Variants in WDR70 observed in about 807,000 individuals in gnomAD.
The protein encoded by WDR70 is WD repeat-containing protein 70.
WDR70 carries 53 observed loss-of-function variants against 88.6 expected under a neutral mutation model. The ratio of observed to expected loss-of-function variants is 0.60; its 90% CI spans 0.48 to 0.75. The LOEUF (loss-of-function observed/expected upper bound fraction) is 0.75, where lower values mean the gene tolerates loss of function less well. Ranked by LOEUF, WDR70 falls within the 30% of genes least tolerant of loss-of-function variation. WDR70 has a pLI of 0.00. For missense variants in WDR70, 610 were observed against 823.2 expected (o/e 0.74, Z 3.17); for synonymous variants, 280 against 270.0 (o/e 1.04, Z -0.36).
chr5:37,472,422 A>G (rs1420757508), intron 7 of WDR70, among the ~76,000 whole-genome samples: 2 of 152,026 alleles, frequency 1.3e-5, no homozygotes, highest in Non-Finnish European at 2.9e-5. Context: ...TAAAATGTTT[A>G]TGACATTTAT....
At position 37,392,138 on chromosome 5, in the gene WDR70, A is replaced by G; in HGVS notation, c.296+18A>G. ...TCTTCCAGGTGCCTGATTTTCAGAA[A>G]GACTTCTATTAAACTATCAGTTTCT... On this transcript the variant is annotated intron_variant, in intron 4 of 17. Coordinates refer to ENST00000265107, the MANE Select transcript of WDR70 (RefSeq NM_018034.4). 3.1e-6 allele frequency: 5 copies of G among 1,601,102 alleles called. No individual in the cohort carries two copies. The South Asian group carries it at 3.4e-5, about 11-fold the overall frequency.
At chr5:37,500,493 T>C (rs1740374232) in intron 8 of WDR70, among the ~76,000 whole-genome samples, 1 of 152,152 alleles carries the variant, frequency 6.6e-6, no homozygotes, top group Admixed American at 6.5e-5. Context: ...ATTTACTTCT[T>C]TGAGAAATCT....
chr5:37,623,938 G>A (rs535369972), intron 10 of WDR70, among the ~76,000 whole-genome samples: 6 of 152,184 alleles, frequency 3.9e-5, no homozygotes, highest in African/African-American at 1.4e-4. Context: ...GTGACGAATT[G>A]ATCCTTTCCT....
At chr5:37,500,322 T>C (rs1295098763) in intron 8 of WDR70, among the ~76,000 whole-genome samples, 1 of 152,246 alleles carries the variant, frequency 6.6e-6, no homozygotes, top group East Asian at 1.9e-4. Flanking sequence ...CCATATATTC[T>C]TTATTTACTC....
At chr5:37,479,582 G>A in intron 7 of WDR70, 1 of 290,562 alleles carries the variant, frequency 3.4e-6, no homozygotes, top group Non-Finnish European at 6.5e-6. Context: ...TGTTGGTCCG[G>A]CTGATTTTGA....
intron 17 of WDR70, among the ~76,000 whole-genome samples, chr5:37,730,100 A>G (rs985441088): frequency 6.6e-6 from 1 of 152,178 alleles, no homozygotes; most frequent in Non-Finnish European, 1.5e-5. Flanking sequence ...ATTACAACAT[A>G]TGAACACATG....
chr5:37,683,511 C>T (rs964887706), intron 10 of WDR70, among the ~76,000 whole-genome samples: 6 of 152,106 alleles, frequency 3.9e-5, no homozygotes, highest in Admixed American at 3.9e-4. Flanking sequence ...AGTACTTCTT[C>T]AGGACTGCTT....
chr5:37,446,130 T>G (rs1023664429), intron 7 of WDR70, among the ~76,000 whole-genome samples: 6 of 152,170 alleles, frequency 3.9e-5, no homozygotes, highest in Admixed American at 3.3e-4. Flanking sequence ...TCACAAGCAT[T>G]CTTATACACC....
chr5:37,551,488 G>C (rs1338069537), intron 9 of WDR70, among the ~76,000 whole-genome samples: 1 of 151,298 alleles, frequency 6.6e-6, no homozygotes, highest in Non-Finnish European at 1.5e-5. Flanking sequence ...CTGGCACTTT[G>C]GGAGGCCGAG....
At chr5:37,627,929 G>A (rs1161213200) in intron 10 of WDR70, among the ~76,000 whole-genome samples, 2 of 152,086 alleles carry the variant, frequency 1.3e-5, no homozygotes, top group Non-Finnish European at 2.9e-5. Context: ...TAGGTCTGTG[G>A]TACAGTTTGT....
Position 37,752,713 on chromosome 5 carries a change from G to T in WDR70, c.*140G>T. ...GCATTATTGAACTGGTCAAAAGTTT[G>T]GTGGCTAGGCTTCACTAAAATTGTG... is the stretch of plus-strand genomic sequence containing the variant. On this transcript the variant is annotated 3_prime_UTR_variant, in exon 18 of 18. Transcript: ENST00000265107. 1 of 636,276 alleles carries T rather than the reference G, an allele frequency of 1.6e-6. No homozygotes were observed. The highest frequency in any genetic ancestry group is 2.7e-6 in the Non-Finnish European group (1 of 374,092). 39.4% of individuals were successfully genotyped at this position (636,276 alleles called of 1,614,324 possible). A position where few individuals can be genotyped will look rare whatever the true frequency, so the allele number is the denominator to read the frequency against.
rs865830763 is a variant in WDR70 at position 37,516,526 on chromosome 5, A to G, written c.853A>G (p.Met285Val). The change falls in exon 9 of 18, where the codon ATG becomes GTG. Residue 285 changes from methionine (M) to valine (V), a missense_variant. By Grantham distance (21) the Met-to-Val change is conservative (BLOSUM62 1). This residue lies in a region of WDR70 where 83 missense variants were observed against 155.3 expected (regional missense o/e 0.53). Coordinates refer to ENST00000265107, the MANE Select transcript of WDR70 (RefSeq NM_018034.4). ...CTTTATTTTTAAGGGTCATACAGCAATGCTTCATACTGGCTCATGGCATCC... is the reference window on the plus strand; with the variant it reads ...CTTTATTTTTAAGGGTCATACAGCAGTGCTTCATACTGGCTCATGGCATCC... ...DMANTKGHTA[M>V]LHTGSWHPKI... 2 of 1,599,374 alleles carry G rather than the reference A, an allele frequency of 1.3e-6. No homozygotes were observed. The highest frequency in any genetic ancestry group is 1.7e-4 in the Middle Eastern group (1 of 5,966).
intron 10 of WDR70, among the ~76,000 whole-genome samples, chr5:37,607,250 T>A (rs888680440): frequency 6.6e-6 from 1 of 151,922 alleles, no homozygotes; most frequent in Non-Finnish European, 1.5e-5. Context: ...CCTGGATTTT[T>A]AAAAAATTTC....
chr5:37,568,516 G>A (rs985270439), intron 9 of WDR70, among the ~76,000 whole-genome samples: 1 of 152,072 alleles, frequency 6.6e-6, no homozygotes. Context: ...AATCAGTGGG[G>A]CAAGGCACCA....
At chr5:37,459,425 A>C (rs976427310) in intron 7 of WDR70, among the ~76,000 whole-genome samples, 1 of 149,978 alleles carries the variant, frequency 6.7e-6, no homozygotes, top group Non-Finnish European at 1.5e-5. Context: ...CCTGAGAAAA[A>C]CAAGCAATGG....
intron 10 of WDR70, among the ~76,000 whole-genome samples, chr5:37,689,460 G>A (rs540604004): frequency 1.3e-4 from 20 of 152,258 alleles, no homozygotes; most frequent in African/African-American, 4.8e-4. Flanking sequence ...TCATATAGGT[G>A]GGTGACCCTC....
chr5:37,633,492 C>G (rs10069590), intron 10 of WDR70, among the ~76,000 whole-genome samples: 2,903 of 151,194 alleles, frequency 0.019, 86 homozygotes, highest in African/African-American at 0.066. Context: ...TTGACATTCA[C>G]TAGATCTAGT....
chr5:37,526,820 A>G (rs535299685), intron 9 of WDR70, among the ~76,000 whole-genome samples: 1 of 152,346 alleles, frequency 6.6e-6, no homozygotes, highest in Admixed American at 6.5e-5. Flanking sequence ...AAAAATCACA[A>G]GCATTCTTAT....
At chr5:37,623,092 C>T (rs180762704) in intron 10 of WDR70, among the ~76,000 whole-genome samples, 124 of 152,154 alleles carry the variant, frequency 8.1e-4, no homozygotes, top group African/African-American at 2.6e-3. Context: ...GTATTAAAGA[C>T]CAATCAATGC....
Sources: allele counts gnomAD v4.1 joint callset (sites outside exome capture counted in the v4.1 genomes callset), GRCh38; gene constraint gnomAD v4.1.1; regional missense constraint gnomAD v4.1.1; transcripts MANE v1.5; gene names NCBI Gene and HGNC (gene_info 2026-07-23, HGNC 2026-07-21).